PCDHGB5: variants seen among roughly 807,000 people sequenced by gnomAD.
PCDHGB5 encodes the protein protocadherin gamma-B5.
A neutral mutation model predicts 62.9 loss-of-function variants in PCDHGB5; 48 were observed. The observed-to-expected ratio is 0.76, with a 90% CI of 0.61 to 0.97. The LOEUF is 0.97. PCDHGB5 is among the 50% of genes least tolerant of loss of function. The pLI is 0.00. For synonymous variants in PCDHGB5, 474 were observed against 511.2 expected (o/e 0.93, Z 0.98); for missense variants, 1,118 against 1,198.6 (o/e 0.93, Z 0.99).
At position 141,491,151 on chromosome 5, in the gene PCDHGB5, T is replaced by C. The variant is rs1283775894; in HGVS notation, c.2398-3656T>C. The C allele has an allele frequency of 6.2e-7, 1 of 1,614,150 alleles. No individual in the cohort carries two copies. On this transcript the variant is annotated intron_variant, in intron 1 of 3. Transcript: ENST00000617380. The surrounding 1 kb of genome is among the most constrained non-coding windows in gnomAD (Gnocchi z 6.9). ...GCACAGCCCGGGCCTTACTGGAGGA[T>C]GACTCTGACACCCAGCAGGTGGTGG...
chr5:141,457,574 T>C (rs992522039), intron 1 of PCDHGB5, among the ~76,000 whole-genome samples: 2 of 152,238 alleles, frequency 1.3e-5, no homozygotes, highest in Non-Finnish European at 2.9e-5. Context: ...AAAATTTTTC[T>C]CTCCAGTCCT....
intron 1 of PCDHGB5, among the ~76,000 whole-genome samples, chr5:141,443,764 C>A (rs1351060316): frequency 6.6e-6 from 1 of 151,708 alleles, no homozygotes; most frequent in Non-Finnish European, 1.5e-5. Flanking sequence ...TTACAATATA[C>A]AATATTACCA....
At chr5:141,423,384 C>T in intron 1 of PCDHGB5, 1 of 1,614,172 alleles carries the variant, frequency 6.2e-7, no homozygotes. Flanking sequence ...GGCTGTGGCG[C>T]TGGCATAAGT....
Position 141,477,902 on chromosome 5 carries a change from T to A in PCDHGB5, c.2398-16905T>A. ...CCACCTAGTGTCACGGGTGGTAGGC[T>A]GGGACGCGGATGCAGGGCACAATGC... On this transcript the variant is annotated intron_variant, in intron 1 of 3. Transcript: ENST00000617380. The surrounding 1 kb of genome is among the most constrained non-coding windows in gnomAD (Gnocchi z 4.9). The A allele has an allele frequency of 6.2e-7, 1 of 1,614,176 alleles. No homozygotes were observed. Among genetic ancestry groups the A allele is most frequent in the Non-Finnish European group, 8.5e-7 (1 of 1,180,028 alleles).
intron 1 of PCDHGB5, chr5:141,415,910 A>G: frequency 1.3e-6 from 1 of 757,484 alleles, no homozygotes; most frequent in Non-Finnish European, 1.8e-6. Context: ...ACTTCCATAC[A>G]GAAGTGCCTG....
At position 141,491,154 on chromosome 5, in the gene PCDHGB5, C is replaced by T. The variant is rs773308291; in HGVS notation, c.2398-3653C>T. ...CAGCCCGGGCCTTACTGGAGGATGACTCTGACACCCAGCAGGTGGTGGTCC... is the reference window on the plus strand; with the variant it reads ...CAGCCCGGGCCTTACTGGAGGATGATTCTGACACCCAGCAGGTGGTGGTCC... On this transcript the variant is annotated intron_variant, in intron 1 of 3. Coordinates refer to ENST00000617380, the MANE Select transcript of PCDHGB5 (RefSeq NM_018925.3). The surrounding 1 kb of genome is among the most constrained non-coding windows in gnomAD (Gnocchi z 6.9). The T allele has an allele frequency of 6.2e-7, 1 of 1,614,162 alleles. No homozygotes were observed. The highest frequency in any genetic ancestry group is 1.7e-5 in the Admixed American group (1 of 60,026).
chr5:141,486,843 A>G lies in PCDHGB5; in HGVS notation c.2398-7964A>G, dbSNP rs1455684942. On this transcript the variant is annotated intron_variant, in intron 1 of 3. Coordinates refer to ENST00000617380, the MANE Select transcript of PCDHGB5 (RefSeq NM_018925.3). The surrounding 1 kb of genome is among the most constrained non-coding windows in gnomAD (Gnocchi z 5.0). ...GTAACAGTTCGTCTATTTGTGCTGG[A>G]CCTCAATGACAATGCTCCAGCTGTG... 6.2e-7 allele frequency: 1 copy of G among 1,614,214 alleles called. No homozygotes were observed. Among genetic ancestry groups the G allele is most frequent in the Admixed American group, 1.7e-5 (1 of 60,034 alleles).
rs532675537 is a variant in PCDHGB5, at chr5:141,508,584, T to C, written c.2546-2363T>C. Among the ~76,000 whole-genome samples, 87 of 152,266 alleles carry C rather than the reference T, an allele frequency of 5.7e-4. 1 individual carries two copies. Among genetic ancestry groups the C allele is most frequent in the African/African-American group, 1.6e-3 (66 of 41,552 alleles). On this transcript the variant is annotated intron_variant, in intron 3 of 3. Coordinates refer to ENST00000617380, the MANE Select transcript of PCDHGB5 (RefSeq NM_018925.3). The stretch of plus-strand genomic sequence containing the variant: ...TGTCACTTGCACCCACTCGGGGTGC[T>C]ACTCAGAGATCTTGGGTGCACATAG...
intron 1 of PCDHGB5, among the ~76,000 whole-genome samples, chr5:141,467,055 C>CTTT (rs1193465269): frequency 2.2e-5 from 3 of 134,494 alleles, no homozygotes; most frequent in Admixed American, 7.5e-5. Context: ...TCAATGTTTT[C>CTTT]TTTTTTTTTT....
chr5:141,494,100 G>A (rs559145191), intron 1 of PCDHGB5, among the ~76,000 whole-genome samples: 7 of 152,270 alleles, frequency 4.6e-5, no homozygotes, highest in South Asian at 2.1e-4. Flanking sequence ...ATTTTTCTCC[G>A]TCTCAGACAG....
In PCDHGB5 at chr5:141,477,767, A is replaced by G. The variant is rs1178354274; in HGVS notation, c.2398-17040A>G. 6.2e-7 allele frequency: 1 copy of G among 1,613,906 alleles called. No homozygotes were observed. The highest frequency in any genetic ancestry group is 8.5e-7 in the Non-Finnish European group (1 of 1,180,038). On this transcript the variant is annotated intron_variant, in intron 1 of 3. Coordinates refer to ENST00000617380, the MANE Select transcript of PCDHGB5 (RefSeq NM_018925.3). The surrounding 1 kb of genome is among the most constrained non-coding windows in gnomAD (Gnocchi z 4.9). ...GGGCACCCCGGTCCTAGCCACCAAC[A>G]TCAGCGTGAACATATTTGTCACTGA...
intron 1 of PCDHGB5, chr5:141,403,199 A>AC (rs1480420470): frequency 6.2e-7 from 1 of 1,613,812 alleles, no homozygotes; most frequent in African/African-American, 1.3e-5. Flanking sequence ...GCGCAGCGGC[A>AC]CCTTGGTCAC....
chr5:141,413,841 T>G, intron 1 of PCDHGB5: 1 of 1,613,060 alleles, frequency 6.2e-7, no homozygotes, highest in Non-Finnish European at 8.5e-7. Context: ...CCGACGGGGG[T>G]GACCCTCTCC....
At chr5:141,482,239 A>G (rs529504334) in intron 1 of PCDHGB5, among the ~76,000 whole-genome samples, 31 of 152,332 alleles carry the variant, frequency 2.0e-4, no homozygotes, top group Middle Eastern at 3.4e-3. Context: ...TGCCAATATA[A>G]GTATAGTACT....
chr5:141,483,501 G>T (rs1022338958), intron 1 of PCDHGB5, among the ~76,000 whole-genome samples: 1 of 150,394 alleles, frequency 6.6e-6, no homozygotes, highest in Non-Finnish European at 1.5e-5. Flanking sequence ...ATGAGTCAAG[G>T]CTGATCCCCC....
rs1297172097 is a variant in PCDHGB5, at chr5:141,399,570, C to T, written c.1443C>T (p.Gly481=). 1 of 1,614,044 alleles carries T rather than the reference C, an allele frequency of 6.2e-7. No individual in the cohort carries two copies. Among genetic ancestry groups the T allele is most frequent in the Non-Finnish European group, 8.5e-7 (1 of 1,179,882 alleles). The change falls in exon 1 of 4, where the codon GGC becomes GGT. Residue 481 remains glycine (G), a synonymous_variant. Transcript: ENST00000617380. ...CGGACCTGGACTTGGGGTTGAACGG[C>T]CAAGTCTCCTACTCTATCATGGCCA... ...CASDLDLGLN[G]QVSYSIMASD...
chr5:141,420,147 C>T lies in PCDHGB5; in HGVS notation c.2397+19623C>T, dbSNP rs1480828845. On this transcript the variant is annotated intron_variant, in intron 1 of 3. Transcript: ENST00000617380. Reference sequence around the variant, plus strand: ...TGTGTGCCTGGGGATCAAATGAATCCAGAATTTAATTTTTTCACATCTGTT... The same window carrying T: ...TGTGTGCCTGGGGATCAAATGAATCTAGAATTTAATTTTTTCACATCTGTT... The T allele has an allele frequency of 2.5e-6, 4 of 1,613,848 alleles. No individual in the cohort carries two copies. The East Asian group carries it at 8.9e-5, about 36-fold the overall frequency.
intron 1 of PCDHGB5, among the ~76,000 whole-genome samples, chr5:141,458,992 C>G (rs1268862644): frequency 6.6e-6 from 1 of 152,190 alleles, no homozygotes; most frequent in African/African-American, 2.4e-5. Flanking sequence ...CTCACCCTCC[C>G]AAAGTGCTGG....
intron 1 of PCDHGB5, chr5:141,430,826 C>A: frequency 6.4e-7 from 1 of 1,550,416 alleles, no homozygotes; most frequent in Non-Finnish European, 8.7e-7. Flanking sequence ...CCTGGGGACT[C>A]TGTGGGAGAC....
Sources: allele counts gnomAD v4.1 joint callset (sites outside exome capture counted in the v4.1 genomes callset), GRCh38; gene constraint gnomAD v4.1.1; non-coding constraint Gnocchi (gnomAD v3.1); transcripts MANE v1.5; gene names NCBI Gene and HGNC (gene_info 2026-07-23, HGNC 2026-07-21).